The following ANK2 variants were observed in gnomAD, a reference collection of about 807,000 sequenced individuals.
ANK2 encodes ankyrin-2.
ANK2 carries 83 observed loss-of-function variants against 360.5 expected under a neutral mutation model. The ratio of observed to expected loss-of-function variants is 0.23; its 90% CI spans 0.19 to 0.28. ANK2 has a LOEUF of 0.28. ANK2 is among the 10% of genes least tolerant of loss of function. The probability of loss-of-function intolerance (pLI) is 1.00; values close to 1 mark genes in which losing one functional copy is unlikely to be tolerated. For missense variants in ANK2, 4,201 were observed against 4,795.7 expected (o/e 0.88, Z 3.66); for synonymous variants, 1,740 against 1,759.5 (o/e 0.99, Z 0.28).
At chr4:113,242,088 T>G in intron 8 of ANK2, 23 bp from the exon 9 acceptor site, 1 of 1,594,106 alleles carries the variant, frequency 6.3e-7, no homozygotes, top group Non-Finnish European at 8.6e-7. Context: ...CAACAGCTCT[T>G]GTTTGGTCTT....
At chr4:112,719,904 C>CGGCATTTTA in the ANK2 span, among the ~76,000 whole-genome samples, 1 of 151,978 alleles carries the variant, frequency 6.6e-6, no homozygotes, top group Admixed American at 6.6e-5. Context: ...AGAAAGCATA[C>CGGCATTTTA]GGCATTTTAG....
intron 2 of ANK2, among the ~76,000 whole-genome samples, chr4:112,920,557 C>A (rs2091204463): frequency 6.6e-6 from 1 of 152,108 alleles, no homozygotes; most frequent in Admixed American, 6.5e-5. Context: ...CTTTAAGGAT[C>A]TTTGATTGTT....
chr4:113,028,434 G>A (rs2059717825), intron 2 of ANK2, among the ~76,000 whole-genome samples: 1 of 152,116 alleles, frequency 6.6e-6, no homozygotes, highest in Non-Finnish European at 1.5e-5. Flanking sequence ...CCTATGTTGT[G>A]CCAGGCACTG....
At chr4:113,317,538 G>A in intron 24 of ANK2, 169 bp from the exon 25 acceptor site, 1 of 670,368 alleles carries the variant, frequency 1.5e-6, no homozygotes, top group South Asian at 1.6e-5. Context: ...GGATGTGTTA[G>A]TTCAGCTGTT....
chr4:113,190,536 A>T (rs1039227099), intron 2 of ANK2, among the ~76,000 whole-genome samples: 5 of 152,124 alleles, frequency 3.3e-5, no homozygotes, highest in Non-Finnish European at 5.9e-5. Context: ...ACCTAAAAGA[A>T]ATAATTTTTA....
At chr4:113,150,334 C>T (rs2097017338) in intron 1 of ANK2, among the ~76,000 whole-genome samples, 1 of 152,180 alleles carries the variant, frequency 6.6e-6, no homozygotes, top group Non-Finnish European at 1.5e-5. Flanking sequence ...TCCAGGACCA[C>T]CCTCCTCTAG....
chr4:113,260,471 T>C (rs1262250497), intron 13 of ANK2, among the ~76,000 whole-genome samples: 1 of 152,158 alleles, frequency 6.6e-6, no homozygotes, highest in Non-Finnish European at 1.5e-5. Context: ...CAAAACAAAT[T>C]CTTGAGGGGC....
chr4:112,898,992 T>C (rs2082525004), intron 1 of ANK2, among the ~76,000 whole-genome samples: 1 of 152,140 alleles, frequency 6.6e-6, no homozygotes, highest in Non-Finnish European at 1.5e-5. Flanking sequence ...GAGGAGGGTA[T>C]TTCCAGCATT....
chr4:112,891,803 C>T (rs1488582614), intron 1 of ANK2, among the ~76,000 whole-genome samples: 1 of 152,166 alleles, frequency 6.6e-6, no homozygotes, highest in African/African-American at 2.4e-5. Context: ...TGATTTCTGT[C>T]ATTATGCTTT....
chr4:112,901,716 C>G (rs1381100407), intron 1 of ANK2, among the ~76,000 whole-genome samples: 2 of 151,854 alleles, frequency 1.3e-5, no homozygotes, highest in Non-Finnish European at 2.9e-5. Context: ...CAAAAATTAG[C>G]CGGGCACGGT....
intron 39 of ANK2, among the ~76,000 whole-genome samples, chr4:113,362,880 A>G (rs2096301683): frequency 4.6e-5 from 7 of 152,196 alleles, no homozygotes; most frequent in Admixed American, 4.6e-4. Context: ...TCCAACCACC[A>G]TAATATAGCT....
At chr4:113,329,071 C>T (rs191866388) in intron 26 of ANK2, among the ~76,000 whole-genome samples, 1 of 152,236 alleles carries the variant, frequency 6.6e-6, no homozygotes, top group East Asian at 1.9e-4. Context: ...AAAGATCTTG[C>T]AAATGCAATG....
chr4:113,121,770 G>A (rs183273036), intron 1 of ANK2, among the ~76,000 whole-genome samples: 3 of 151,914 alleles, frequency 2.0e-5, no homozygotes, highest in Non-Finnish European at 2.9e-5. Context: ...CACAGTAAAA[G>A]GTTCTGATTA....
chr4:113,353,206 G>T lies in ANK2; in HGVS notation c.4588G>T (p.Gly1530Cys). The T allele has an allele frequency of 6.2e-7, 1 of 1,614,036 alleles. No individual in the cohort carries two copies. The highest frequency in any genetic ancestry group is 8.5e-7 in the Non-Finnish European group (1 of 1,179,946). ...ILTTDVSDKA[G>C]SIKVKELVKA... The stretch of plus-strand genomic sequence containing the variant: ...GACCACAGATGTGTCTGATAAGGCA[G>T]GTTCTATTAAAGTGAAGGAGCTGGT... Residue 1530 changes from glycine (G) to cysteine (C), a missense_variant, in exon 38 of 46, where the codon GGT becomes TGT. Coordinates refer to ENST00000357077, the MANE Select transcript of ANK2 (RefSeq NM_001148.6).
chr4:112,717,317 C>T, the ANK2 span, among the ~76,000 whole-genome samples: 29 of 152,040 alleles, frequency 1.9e-4, no homozygotes, highest in South Asian at 8.3e-4. Flanking sequence ...CTAAAAGATG[C>T]GCTTATTAAA....
intron 2 of ANK2, among the ~76,000 whole-genome samples, chr4:112,911,632 T>C (rs1469519106): frequency 6.6e-6 from 1 of 152,202 alleles, no homozygotes; most frequent in Non-Finnish European, 1.5e-5. Context: ...CCATTATCAA[T>C]ATATTTTTAA....
At chr4:113,219,719 T>C (rs956390701) in intron 4 of ANK2, among the ~76,000 whole-genome samples, 1 of 152,202 alleles carries the variant, frequency 6.6e-6, no homozygotes, top group Non-Finnish European at 1.5e-5. Flanking sequence ...CTAAATAATA[T>C]ATTTTAACCA....
chr4:112,809,099 T>TCCACCCA, the ANK2 span, among the ~76,000 whole-genome samples: 1 of 151,616 alleles, frequency 6.6e-6, no homozygotes, highest in East Asian at 2.0e-4. Context: ...ACTCAGGTAA[T>TCCACCCA]CCACCCACCT....
intron 5 of ANK2, among the ~76,000 whole-genome samples, chr4:113,233,828 A>G (rs1436114378): frequency 6.6e-6 from 1 of 152,176 alleles, no homozygotes; most frequent in East Asian, 1.9e-4. Flanking sequence ...TCTCTATTCA[A>G]TACACACAGA....
Sources: allele counts gnomAD v4.1 joint callset (sites outside exome capture counted in the v4.1 genomes callset), GRCh38; gene constraint gnomAD v4.1.1; transcripts MANE v1.5; gene names NCBI Gene and HGNC (gene_info 2026-07-23, HGNC 2026-07-21).